The following RBBP6 variants were observed in gnomAD, a reference collection of about 807,000 sequenced individuals.
The protein encoded by RBBP6 is E3 ubiquitin-protein ligase RBBP6.
RBBP6 carries 25 observed loss-of-function variants against 167.7 expected under a neutral mutation model. The observed-to-expected ratio is 0.15, with a 90% CI of 0.11 to 0.21. RBBP6 has a LOEUF of 0.21. Among genes scored for constraint, RBBP6 ranks in the 10% least tolerant of loss-of-function variants. The pLI is 1.00. For missense variants in RBBP6, 1,868 were observed against 2,134.2 expected (o/e 0.88, Z 2.46); for synonymous variants, 789 against 735.8 (o/e 1.07, Z -1.17).
At chr16:24,559,991 T>G (rs1387363773) in intron 8 of RBBP6, among the ~76,000 whole-genome samples, 3 of 152,202 alleles carry the variant, frequency 2.0e-5, no homozygotes, top group Non-Finnish European at 4.4e-5. Context: ...AAAACTTTTT[T>G]GGGCCTTAGA....
intron 16 of RBBP6, among the ~76,000 whole-genome samples, chr16:24,568,507 A>G (rs1019257406): frequency 6.6e-6 from 1 of 152,240 alleles, no homozygotes; most frequent in Non-Finnish European, 1.5e-5. Context: ...CTCACGGTAC[A>G]TTAATGCACT....
chr16:24,565,316 C>A (rs997898353), intron 14 of RBBP6, among the ~76,000 whole-genome samples: 5 of 152,196 alleles, frequency 3.3e-5, no homozygotes, highest in African/African-American at 9.7e-5. Context: ...AAAGAAGAGA[C>A]AGGAGATTGT....
Position 24,561,813 on chromosome 16 carries a change from G to C in RBBP6, c.952-11G>C. 6.2e-7 allele frequency: 1 copy of C among 1,607,120 alleles called. No homozygotes were observed. The highest frequency in any genetic ancestry group is 8.5e-7 in the Non-Finnish European group (1 of 1,174,914). ...AACATTTTTCTGCATTATTATGCTT[G>C]GTATCTGTAGGCTGTAAATAACTTC... is the stretch of plus-strand genomic sequence containing the variant. On this transcript the variant is annotated splice_polypyrimidine_tract_variant and intron_variant, in intron 9 of 17. Transcript: ENST00000319715.
intron 2 of RBBP6, 129 bp downstream of exon 2, chr16:24,546,391 T>G: frequency 8.9e-7 from 1 of 1,126,644 alleles, no homozygotes; most frequent in East Asian, 3.4e-5. Flanking sequence ...CTCAAGACTG[T>G]GAGGATAGTA....
intron 10 of RBBP6, among the ~76,000 whole-genome samples, chr16:24,562,633 C>G (rs1899092919): frequency 6.6e-6 from 1 of 150,802 alleles, no homozygotes; most frequent in Admixed American, 6.6e-5. Flanking sequence ...CACAGCCTAC[C>G]ACTTCAGAAA....
In RBBP6 at chr16:24,540,173, G is replaced by T. The variant is rs767048102; in HGVS notation, c.-454G>T. ...CCTCTCCCCTCAACCTTCTCCCGGG[G>T]CCTGGGTCACCCCAATCCACGGAGA... On this transcript the variant is annotated 5_prime_UTR_variant, in exon 1 of 18. Coordinates refer to ENST00000319715, the MANE Select transcript of RBBP6 (RefSeq NM_006910.5). 3.9e-5 allele frequency: 6 copies of T among 155,638 alleles called. No homozygotes were observed. Among genetic ancestry groups the T allele is most frequent in the Non-Finnish European group, 7.2e-5 (5 of 69,792 alleles). 9.6% of individuals were successfully genotyped at this position (155,638 alleles called of 1,614,324 possible).
chr16:24,564,991 C>A, intron 14 of RBBP6, 126 bp downstream of exon 14: 1 of 1,395,088 alleles, frequency 7.2e-7, no homozygotes, highest in South Asian at 1.8e-5. Flanking sequence ...GCTTATCCCT[C>A]TTAAGTCCTG....
intron 4 of RBBP6, 138 bp from the exon 5 acceptor site, chr16:24,555,477 C>G: frequency 1.5e-6 from 1 of 676,450 alleles, no homozygotes; most frequent in South Asian, 1.9e-5. Context: ...GTGCCTCTTC[C>G]AGGTTATACG....
At chr16:24,544,833 C>T (rs1567270430) in intron 1 of RBBP6, among the ~76,000 whole-genome samples, 1 of 152,156 alleles carries the variant, frequency 6.6e-6, no homozygotes, top group African/African-American at 2.4e-5. Context: ...CACTGTTTAT[C>T]CGATGACTGA....
Position 24,561,943 on chromosome 16 carries a change from G to A in RBBP6, c.1071G>A (p.Leu357=). The A allele has an allele frequency of 6.2e-7, 1 of 1,613,178 alleles. No homozygotes were observed. The highest frequency in any genetic ancestry group is 1.1e-5 in the South Asian group (1 of 91,010). Residue 357 remains leucine (L), a synonymous_variant, in exon 10 of 18, where the codon CTG becomes CTA. Transcript: ENST00000319715. ...RPLIQRNLQP[L]MRSPISRQQD... ...TGATTCAGAGGAACCTACAACCTCT[G>A]ATGAGATCTCCGATATCAAGACAAC...
chr16:24,567,999 CG>C, intron 16 of RBBP6, 106 bp downstream of exon 16: 1 of 896,822 alleles, frequency 1.1e-6, no homozygotes, highest in Non-Finnish European at 1.8e-6. Flanking sequence ...TTTTCTGATT[CG>C]GTCTAGGTGT....
chr16:24,544,943 C>T (rs927895133), intron 1 of RBBP6, among the ~76,000 whole-genome samples: 1 of 152,182 alleles, frequency 6.6e-6, no homozygotes, highest in Non-Finnish European at 1.5e-5. Context: ...GTCAATCCTA[C>T]CTGCAAACAT....
intron 17 of RBBP6, 123 bp downstream of exon 17, chr16:24,570,622 T>C: frequency 1.1e-6 from 1 of 948,516 alleles, no homozygotes; most frequent in Admixed American, 3.5e-5. Flanking sequence ...GCTGGTTTTA[T>C]GTAGTCTTTT....
intron 7 of RBBP6, 133 bp downstream of exon 7, chr16:24,556,580 A>T: frequency 9.7e-7 from 1 of 1,032,350 alleles, no homozygotes; most frequent in Non-Finnish European, 1.3e-6. Flanking sequence ...TAGTCTCTAC[A>T]TCTTGCATTT....
intron 3 of RBBP6, chr16:24,549,205 AT>A: frequency 7.1e-7 from 1 of 1,415,146 alleles, no homozygotes. Context: ...ACTGTTTCAT[AT>A]TAAATATGAT....
chr16:24,563,807 T>A (rs1659245164), intron 13 of RBBP6, 143 bp downstream of exon 13: 1 of 625,074 alleles, frequency 1.6e-6, no homozygotes, highest in East Asian at 3.4e-5. Context: ...TGTGCCAGAT[T>A]AACATTTTTT....
chr16:24,559,388 TCTAAA>T (rs1898993889), intron 7 of RBBP6, 112 bp from the exon 8 acceptor site: 1 of 732,258 alleles, frequency 1.4e-6, no homozygotes, highest in African/African-American at 1.8e-5. Flanking sequence ...ATGGTGCTTG[TCTAAA>T]CTAATTTGGC....
rs1174916859 is a variant in RBBP6, at chr16:24,571,936, C to A, written c.4870C>A (p.Leu1624Ile). ...ACCCCAGTTAAGTCATTCCTCTAGA[C>A]TTTCCTCTGACTTAACTAGAGAAAC... ...PKPQLSHSSR[L>I]SSDLTRETDE... Residue 1624 changes from leucine (L) to isoleucine (I), a missense_variant, in exon 18 of 18, where the codon CTT becomes ATT. Transcript: ENST00000319715. The A allele has an allele frequency of 6.2e-7, 1 of 1,614,018 alleles. No individual in the cohort carries two copies. Among genetic ancestry groups the A allele is most frequent in the African/African-American group, 1.3e-5 (1 of 75,018 alleles).
intron 13 of RBBP6, 46 bp from the exon 14 acceptor site, chr16:24,564,751 T>C (rs759434813): frequency 1.9e-6 from 3 of 1,599,930 alleles, no homozygotes; most frequent in Non-Finnish European, 2.6e-6. Context: ...TCATGTATTA[T>C]ACCCATGGAG....
Sources: gnomAD v4.1 joint callset for allele counts (sites outside exome capture counted in the v4.1 genomes callset) on GRCh38, gnomAD v4.1.1 for gene constraint, MANE v1.5 for transcripts, NCBI Gene and HGNC (gene_info 2026-07-23, HGNC 2026-07-21) for gene names.